The following BTG3 variants were observed in gnomAD, a reference collection of about 807,000 sequenced individuals.
BTG3 encodes the protein BTG anti-proliferation factor 3.
BTG3 carries 4 observed loss-of-function variants against 25.8 expected under a neutral mutation model. The ratio of observed to expected loss-of-function variants is 0.16; its 90% CI spans 0.08 to 0.36. BTG3 has a LOEUF of 0.36. Among genes scored for constraint, BTG3 ranks in the 10% least tolerant of loss-of-function variants. The pLI is 1.00. For missense variants in BTG3, 201 were observed against 304.9 expected (o/e 0.66, Z 2.54); for synonymous variants, 107 against 99.9 (o/e 1.07, Z -0.42).
chr21:17,604,665 T>A (rs1281078166), intron 3 of BTG3, among the ~76,000 whole-genome samples, 195 bp downstream of exon 3: 1 of 152,346 alleles, frequency 6.6e-6, no homozygotes, highest in East Asian at 1.9e-4. Flanking sequence ...CAGTTTCTTT[T>A]TTCGGCTATA....
At chr21:17,599,475 ATT>A (rs11447568) in intron 3 of BTG3, among the ~76,000 whole-genome samples, 15 of 117,200 alleles carry the variant, frequency 1.3e-4, no homozygotes, top group Admixed American at 9.2e-5. Context: ...CCACTGGCTG[ATT>A]TTTTTTTTTT....
At chr21:17,594,606 A>G (rs2061480260) in intron 4 of BTG3, among the ~76,000 whole-genome samples, 1 of 152,096 alleles carries the variant, frequency 6.6e-6, no homozygotes, top group African/African-American at 2.4e-5. Flanking sequence ...CAAAACATGG[A>G]ACGAATGGAA....
intron 4 of BTG3, among the ~76,000 whole-genome samples, chr21:17,598,375 T>C (rs1311927418): frequency 1.3e-5 from 2 of 152,220 alleles, no homozygotes; most frequent in Non-Finnish European, 1.5e-5. Flanking sequence ...TTTTCTACTT[T>C]TTGCCAATTT....
chr21:17,608,986 T>C lies in BTG3; in HGVS notation c.159A>G (p.Lys53=), dbSNP rs1233740680. 1.2e-6 allele frequency: 2 copies of C among 1,613,452 alleles called. No homozygotes were observed. The highest frequency in any genetic ancestry group is 1.7e-6 in the Non-Finnish European group (2 of 1,179,876). Residue 53 remains lysine, a synonymous_variant, in exon 2 of 5, where the codon AAA becomes AAG. Coordinates refer to ENST00000348354, the MANE Select transcript of BTG3 (RefSeq NM_006806.5). ...TAATCCTTTACCTGTAGGCCTGTCC[T>C]TTCGATGGTTTTTCTGGATACCAGT... ...KNHWYPEKPS[K]GQAYRCIRVN...
rs532920211 is a variant in BTG3 at position 17,594,294 on chromosome 21, G to T, written c.558C>A (p.His186Gln). The T allele has an allele frequency of 6.8e-6, 11 of 1,613,030 alleles. No individual in the cohort carries two copies. Among genetic ancestry groups the T allele is most frequent in the South Asian group, 4.4e-5 (4 of 91,036 alleles). Residue 186 changes from histidine (H) to glutamine (Q), a missense_variant, in exon 5 of 5, where the codon CAC becomes CAA. Transcript: ENST00000348354. The stretch of plus-strand genomic sequence containing the variant: ...TTCCTGGCTTTTTTCTGGGCAAAGG[G>T]TGCCACATTGGAAGAGGTGGAAATA... ...ELIFPPLPMW[H>Q]PLPRKKPGMY...
In BTG3 at chr21:17,594,035, G is replaced by GT; in HGVS notation, c.*57dup. The GT allele has an allele frequency of 1.3e-6, 2 of 1,571,934 alleles. No homozygotes were observed. The highest frequency in any genetic ancestry group is 2.4e-5 in the South Asian group (2 of 82,644). On this transcript the variant is annotated 3_prime_UTR_variant, in exon 5 of 5. Transcript: ENST00000348354. The stretch of plus-strand genomic sequence containing the variant: ...AGTAAGAACTTTTAACTTTTAATGT[G>GT]TAGTAAGGTTTATTCTACCTTTTTC...
intron 1 of BTG3, among the ~76,000 whole-genome samples, chr21:17,611,092 C>T (rs1222662143): frequency 3.9e-5 from 6 of 152,234 alleles, no homozygotes; most frequent in Non-Finnish European, 1.5e-5. Context: ...TACATAACCC[C>T]AGCCCACCAC....
In BTG3 at chr21:17,593,931, ATT is replaced by A; in HGVS notation, c.*160_*161del. On this transcript the variant is annotated 3_prime_UTR_variant, in exon 5 of 5. Transcript: ENST00000348354. The stretch of plus-strand genomic sequence containing the variant: ...CTATATCAATATCTAAAGTGCATAT[ATT>A]TTTTAAGAAAGATTATTCTCAATAA... 1.1e-6 allele frequency: 1 copy of A among 949,294 alleles called. No homozygotes were observed. The highest frequency in any genetic ancestry group is 2.0e-5 in the South Asian group (1 of 49,266). 58.8% of individuals were successfully genotyped at this position (949,294 alleles called of 1,614,324 possible).
chr21:17,610,153 T>C (rs921445875), intron 1 of BTG3, among the ~76,000 whole-genome samples: 1 of 152,176 alleles, frequency 6.6e-6, no homozygotes, highest in Non-Finnish European at 1.5e-5. Flanking sequence ...GACAGATTAG[T>C]GGCCTACGGG....
In BTG3 at chr21:17,598,689, T is replaced by G. The variant is rs2061534723; in HGVS notation, c.447A>C (p.Ser149=). 2.5e-6 allele frequency: 4 copies of G among 1,614,178 alleles called. No individual in the cohort carries two copies. Among genetic ancestry groups the G allele is most frequent in the African/African-American group, 1.3e-5 (1 of 75,044 alleles). Residue 149 remains serine (S), a synonymous_variant, in exon 4 of 5, where the codon TCA becomes TCC. Transcript: ENST00000348354. ...TSDYHSGSSS[S]DEETSKEMEV... is the part of the protein sequence containing the mutation. ...CCATTTCCTTACTTGTTTCTTCATC[T>G]GAAGAAGAGGATCCTGAATGATAAT...
At chr21:17,609,773 A>G (rs2061693932) in intron 1 of BTG3, among the ~76,000 whole-genome samples, 1 of 152,256 alleles carries the variant, frequency 6.6e-6, no homozygotes, top group African/African-American at 2.4e-5. Flanking sequence ...TTTACCAACT[A>G]AAGAATGGAC....
chr21:17,604,293 A>T, intron 3 of BTG3: 1 of 255,006 alleles, frequency 3.9e-6, no homozygotes, highest in Non-Finnish European at 8.0e-6. Flanking sequence ...ATATAAAAAA[A>T]AATTAGCCGG....
At chr21:17,601,486 C>T (rs1010778435) in intron 3 of BTG3, among the ~76,000 whole-genome samples, 1 of 151,962 alleles carries the variant, frequency 6.6e-6, no homozygotes, top group African/African-American at 2.4e-5. Context: ...ATCATGCCAC[C>T]GCATTCCAGC....
At chr21:17,612,588 G>C (rs1019403648) in intron 1 of BTG3, 111 bp downstream of exon 1, 7 of 152,280 alleles carry the variant, frequency 4.6e-5, no homozygotes, top group African/African-American at 1.7e-4. Flanking sequence ...CCTGTCCCCG[G>C]TGCGCCGCCC....
chr21:17,603,955 G>C (rs2061604571), intron 3 of BTG3, among the ~76,000 whole-genome samples: 2 of 152,180 alleles, frequency 1.3e-5, no homozygotes, highest in South Asian at 4.1e-4. Flanking sequence ...CCTAAAAGCA[G>C]AATGTTGCTT....
intron 2 of BTG3, among the ~76,000 whole-genome samples, chr21:17,605,560 CCTAA>C (rs997792073): frequency 1.1e-4 from 16 of 152,094 alleles, no homozygotes; most frequent in African/African-American, 3.6e-4. Context: ...GATTAAAATA[CCTAA>C]CTAACATGTT....
chr21:17,604,196 G>A (rs1423033210), intron 3 of BTG3: 8 of 1,125,122 alleles, frequency 7.1e-6, no homozygotes, highest in South Asian at 2.9e-5. Flanking sequence ...GTAATCCAGC[G>A]CTTTGGGAGG....
intron 3 of BTG3, among the ~76,000 whole-genome samples, chr21:17,599,475 ATTTTTT>A (rs11447568): frequency 8.5e-6 from 1 of 117,244 alleles, no homozygotes; most frequent in African/African-American, 3.3e-5. Flanking sequence ...CCACTGGCTG[ATTTTTT>A]TTTTTTTTTT....
intron 3 of BTG3, 91 bp downstream of exon 3, chr21:17,604,769 T>C: frequency 7.0e-7 from 1 of 1,432,422 alleles, no homozygotes; most frequent in Non-Finnish European, 9.3e-7. Flanking sequence ...CTCCTGGCCA[T>C]AAAGATACAC....
Sources: allele counts gnomAD v4.1 joint callset (sites outside exome capture counted in the v4.1 genomes callset), GRCh38; gene constraint gnomAD v4.1.1; transcripts MANE v1.5; gene names NCBI Gene and HGNC (gene_info 2026-07-23, HGNC 2026-07-21).